The following ADGRG1 variants were observed in gnomAD, a reference collection of about 807,000 sequenced individuals.
ADGRG1 encodes the protein 7-transmembrane protein with no EGF-like N-terminal domains-1.
ADGRG1 carries 53 observed loss-of-function variants against 73.5 expected under a neutral mutation model. That is an observed-to-expected ratio of 0.72 (90% CI 0.58 to 0.91). ADGRG1 has a LOEUF of 0.91. ADGRG1 is among the 40% of genes least tolerant of loss of function. The pLI is 0.00. For synonymous variants in ADGRG1, 394 were observed against 374.4 expected, an observed-to-expected ratio of 1.05 and a Z score of -0.60; for missense variants, 795 against 871.8, an observed-to-expected ratio of 0.91 and a Z score of 1.11.
At chr16:57,639,173 G>T in intron 1 of ADGRG1, 1 of 691,826 alleles carries the variant, frequency 1.4e-6, no homozygotes, top group Non-Finnish European at 1.8e-6. Context: ...TGGAAGCTCT[G>T]GCTCTTTGTG....
chr16:57,620,411 C>T (rs573855049), upstream of ADGRG1, among the ~76,000 whole-genome samples: 258 of 152,284 alleles, frequency 1.7e-3, 2 homozygotes, highest in African/African-American at 4.9e-3. Context: ...GGTGTGTTCC[C>T]GGTGTCCAAC....
At chr16:57,630,000 ACG>A (rs1597070876) in intron 1 of ADGRG1, 1 of 985,236 alleles carries the variant, frequency 1.0e-6, no homozygotes, top group African/African-American at 1.7e-5. Flanking sequence ...CCTGGGGTCC[ACG>A]GGCTGTGTAG....
chr16:57,631,577 G>C (rs940145063), intron 1 of ADGRG1: 1 of 985,458 alleles, frequency 1.0e-6, no homozygotes, highest in Admixed American at 6.1e-5. Flanking sequence ...CCCCATGCTG[G>C]GGGTGGCCCT....
rs773723920 is a variant in ADGRG1, at chr16:57,654,131, G to A, written c.766G>A (p.Glu256Lys). 5 of 1,611,872 alleles carry A rather than the reference G, an allele frequency of 3.1e-6. No homozygotes were observed. Among genetic ancestry groups the A allele is most frequent in the Non-Finnish European group, 2.5e-6 (3 of 1,179,926 alleles). ...LQDLHIHSRQ[E>K]EEQSEIMEYS... is the part of the protein sequence containing the mutation. ...GGACCTGCACATCCACTCCCGGCAG[G>A]AGGTCAGGGGCAGGCCTGGGCAGGA... The change falls in exon 5 of 14, where the codon GAG becomes AAG. Residue 256 changes from glutamate to lysine, a missense_variant and splice_region_variant. By Grantham distance (56) the Glu-to-Lys change is moderately conservative. Transcript: ENST00000562631.
chr16:57,632,282 G>A, intron 1 of ADGRG1: 1 of 985,432 alleles, frequency 1.0e-6, no homozygotes, highest in Non-Finnish European at 1.2e-6. Flanking sequence ...AGGGTGACAG[G>A]GCCCGTAGAG....
At chr16:57,634,207 G>A (rs1367995028) in intron 1 of ADGRG1, 3 of 985,318 alleles carry the variant, frequency 3.0e-6, no homozygotes, top group Non-Finnish European at 3.6e-6. Context: ...CCTTGGCTGA[G>A]TCTGGGCCTC....
chr16:57,639,542 T>G, intron 1 of ADGRG1: 1 of 985,402 alleles, frequency 1.0e-6, no homozygotes, highest in South Asian at 4.7e-5. Flanking sequence ...TCTGTCCTCT[T>G]GAAAAAAGGT....
intron 1 of ADGRG1, chr16:57,639,724 C>T (rs1198414007): frequency 6.6e-6 from 6 of 913,456 alleles, no homozygotes; most frequent in Non-Finnish European, 7.9e-6. Flanking sequence ...ACTCCTGCTC[C>T]CTCTCCCTGC....
chr16:57,663,699 A>C lies in ADGRG1; in HGVS notation c.*117A>C. 1 of 1,209,750 alleles carries C rather than the reference A, an allele frequency of 8.3e-7. No homozygotes were observed. The highest frequency in any genetic ancestry group is 1.2e-6 in the Non-Finnish European group (1 of 835,988). 74.9% of individuals were successfully genotyped at this position (1,209,750 alleles called of 1,614,324 possible). On this transcript the variant is annotated 3_prime_UTR_variant, in exon 14 of 14. Coordinates refer to ENST00000562631, the MANE Select transcript of ADGRG1 (RefSeq NM_201525.4). ...GTCAGCCGCAGACTTTGGAAAGCCC[A>C]ACGACCATGGAGAGATGGGCCGTTG...
rs115876569 is a variant in ADGRG1 at position 57,656,356 on chromosome 16, C to T, written c.1063+85C>T. 2.1e-3 allele frequency: 3,307 copies of T among 1,611,186 alleles called. 53 individuals are homozygous for T. In the African/African-American group the frequency reaches 0.034, roughly 17 times the overall value. Reference sequence around the variant, plus strand: ...GGGTGGGGGAGGTGGGGTTAATCACCGAGGGCTTCCTGGAGAAAGGAGGAC... The same window carrying T: ...GGGTGGGGGAGGTGGGGTTAATCACTGAGGGCTTCCTGGAGAAAGGAGGAC... On this transcript the variant is annotated intron_variant, in intron 8 of 13. Coordinates refer to ENST00000562631, the MANE Select transcript of ADGRG1 (RefSeq NM_201525.4).
At chr16:57,647,082 T>A in intron 1 of ADGRG1, 2 of 982,674 alleles carry the variant, frequency 2.0e-6, no homozygotes, top group Non-Finnish European at 2.4e-6. Flanking sequence ...GGTGGGCAGG[T>A]GGCAGGTGTG....
intron 1 of ADGRG1, 105 bp downstream of exon 1, chr16:57,628,907 AG>A: frequency 1.2e-6 from 1 of 823,198 alleles, no homozygotes; most frequent in African/African-American, 3.4e-5. Flanking sequence ...TGTGAGTGTG[AG>A]TGTGTGAGAG....
chr16:57,625,789 T>C (rs148997352), upstream of ADGRG1: 111 of 368,826 alleles, frequency 3.0e-4, no homozygotes, highest in African/African-American at 2.1e-3. Context: ...CTCTACACTT[T>C]CAAAATCTTC....
chr16:57,622,574 A>G (rs1214300243), intron 2 of ADGRG1, among the ~76,000 whole-genome samples: 1 of 152,208 alleles, frequency 6.6e-6, no homozygotes, highest in Non-Finnish European at 1.5e-5. Flanking sequence ...AGAGGGGCCC[A>G]GGCTGGCAGG....
intron 1 of ADGRG1, chr16:57,631,159 G>A (rs373969800): frequency 1.0e-6 from 1 of 986,346 alleles, no homozygotes; most frequent in East Asian, 1.1e-4. Flanking sequence ...AGGGAGACGA[G>A]GGGGAGGTGG....
At chr16:57,639,314 T>C in intron 1 of ADGRG1, 1 of 985,532 alleles carries the variant, frequency 1.0e-6, no homozygotes, top group Non-Finnish European at 1.2e-6. Flanking sequence ...CAGGACAAGT[T>C]ACGGAGCCAC....
chr16:57,631,466 G>C, intron 1 of ADGRG1: 1 of 985,592 alleles, frequency 1.0e-6, no homozygotes, highest in South Asian at 4.7e-5. Flanking sequence ...TGGGGAAGTC[G>C]GGTGGAAGTA....
chr16:57,659,727 G>A, intron 11 of ADGRG1, 46 bp downstream of exon 11: 2 of 1,608,126 alleles, frequency 1.2e-6, no homozygotes, highest in Non-Finnish European at 1.7e-6. Flanking sequence ...TCTCCCACTT[G>A]GCTCTGGCAA....
chr16:57,663,112 G>A (rs1448899229), intron 13 of ADGRG1: 17 of 978,468 alleles, frequency 1.7e-5, no homozygotes, highest in African/African-American at 1.8e-5. Flanking sequence ...CAGTGCTTAA[G>A]TGGGTGGACT....
Sources: gnomAD v4.1 joint callset for allele counts (sites outside exome capture counted in the v4.1 genomes callset) on GRCh38, gnomAD v4.1.1 for gene constraint, MANE v1.5 for transcripts, NCBI Gene and HGNC (gene_info 2026-07-23, HGNC 2026-07-21) for gene names.